Variants in SPAG9 observed in about 807,000 individuals in gnomAD.
SPAG9 encodes the protein sperm associated antigen 9.
A neutral mutation model predicts 166.5 loss-of-function variants in SPAG9; 35 were observed. The ratio of observed to expected loss-of-function variants is 0.21; its 90% CI spans 0.16 to 0.28. The LOEUF is 0.28. Among genes scored for constraint, SPAG9 ranks in the 10% least tolerant of loss-of-function variants. The probability of loss-of-function intolerance (pLI) is 1.00; values close to 1 mark genes in which losing one functional copy is unlikely to be tolerated. For missense variants in SPAG9, 1,235 were observed against 1,603.3 expected, an observed-to-expected ratio of 0.77 and a Z score of 3.92; for synonymous variants, 534 against 565.5, an observed-to-expected ratio of 0.94 and a Z score of 0.79.
At chr17:51,057,598 T>C (rs2047396446) in intron 2 of SPAG9, among the ~76,000 whole-genome samples, 1 of 152,216 alleles carries the variant, frequency 6.6e-6, no homozygotes, top group Non-Finnish European at 1.5e-5. Context: ...AAAATTCATT[T>C]TGGGTTTGTG....
At chr17:51,106,755 C>A (rs1294556489) in intron 1 of SPAG9, among the ~76,000 whole-genome samples, 1 of 152,072 alleles carries the variant, frequency 6.6e-6, no homozygotes, top group Admixed American at 6.6e-5. Flanking sequence ...CAAGATCAAG[C>A]CACTGCACTC....
chr17:50,974,177 C>A (rs1974048716), intron 28 of SPAG9, among the ~76,000 whole-genome samples: 1 of 152,166 alleles, frequency 6.6e-6, no homozygotes, highest in Admixed American at 6.5e-5. Context: ...ATCATCACTT[C>A]CATCTTTTTT....
At chr17:51,046,795 C>T in intron 4 of SPAG9, 1 of 1,534,180 alleles carries the variant, frequency 6.5e-7, no homozygotes, top group Non-Finnish European at 8.7e-7. Context: ...CTTTCCACTC[C>T]ATCCTGCAGC....
intron 1 of SPAG9, among the ~76,000 whole-genome samples, chr17:51,117,776 T>G (rs1239998729): frequency 7.0e-6 from 1 of 142,104 alleles, no homozygotes; most frequent in African/African-American, 2.6e-5. Context: ...CAGAATTCAC[T>G]CTACATATTG....
chr17:51,021,029 G>C (rs946577421), intron 7 of SPAG9, 129 bp downstream of exon 7: 6 of 750,806 alleles, frequency 8.0e-6, no homozygotes, highest in Admixed American at 4.5e-5. Flanking sequence ...CAGATATAGA[G>C]GGCCAACTAT....
chr17:50,991,220 G>A (rs1164565233), intron 19 of SPAG9, among the ~76,000 whole-genome samples: 1 of 151,948 alleles, frequency 6.6e-6, no homozygotes, highest in East Asian at 1.9e-4. Flanking sequence ...TTCTTAGTGA[G>A]CTCCTCAGCA....
chr17:50,980,864 T>C (rs1974547198), intron 25 of SPAG9, among the ~76,000 whole-genome samples: 1 of 152,006 alleles, frequency 6.6e-6, no homozygotes, highest in South Asian at 2.1e-4. Flanking sequence ...TAGTCAGGTA[T>C]AATGGTGTGT....
At chr17:51,014,620 C>G (rs1240969806) in intron 8 of SPAG9, 4 of 308,384 alleles carry the variant, frequency 1.3e-5, no homozygotes, top group African/African-American at 4.3e-5. Context: ...CTGCTCTATA[C>G]CAGGTGCTGG....
chr17:51,073,497 G>A (rs2047883120), intron 2 of SPAG9, among the ~76,000 whole-genome samples: 1 of 151,540 alleles, frequency 6.6e-6, no homozygotes, highest in Non-Finnish European at 1.5e-5. Flanking sequence ...AAAAAATTAA[G>A]AAATAAGTAA....
In SPAG9 at chr17:51,035,091, C is replaced by T. The variant is rs537750358; in HGVS notation, c.742-3369G>A. ...TTGGCAGACTGAGACAGGAGGATTA[C>T]CTGAGGCCAGGAGTTTGAGACCAAC... On this transcript the variant is annotated intron_variant, in intron 5 of 29. Transcript: ENST00000262013. Among the ~76,000 whole-genome samples, 45 of 152,310 alleles carry T rather than the reference C, an allele frequency of 3.0e-4. No individual in the cohort carries two copies. The South Asian group carries it at 8.1e-3, about 27-fold the overall frequency.
intron 9 of SPAG9, among the ~76,000 whole-genome samples, chr17:51,008,298 T>C (rs887628424): frequency 2.4e-4 from 36 of 152,106 alleles, no homozygotes; most frequent in African/African-American, 7.2e-4. Context: ...AAGAAAGCTA[T>C]TAATTTGCTT....
intron 1 of SPAG9, among the ~76,000 whole-genome samples, chr17:51,119,203 A>T (rs184748948): frequency 5.1e-4 from 77 of 152,314 alleles, no homozygotes; most frequent in African/African-American, 1.8e-3. Context: ...AATAAAACAA[A>T]AATTTAATGG....
chr17:51,007,791 A>G (rs1160719279), intron 9 of SPAG9: 1 of 444,806 alleles, frequency 2.2e-6, no homozygotes, highest in Non-Finnish European at 4.5e-6. Flanking sequence ...AACAGGCAAA[A>G]ACAAGGCTAA....
At chr17:51,005,316 T>C in intron 11 of SPAG9, 53 bp from the exon 12 acceptor site, 1 of 1,551,222 alleles carries the variant, frequency 6.4e-7, no homozygotes, top group Non-Finnish European at 8.8e-7. Flanking sequence ...GCTCATCTTT[T>C]CAAAAAAATA....
intron 1 of SPAG9, among the ~76,000 whole-genome samples, chr17:51,088,874 C>T (rs1325493951): frequency 1.3e-5 from 2 of 151,564 alleles, no homozygotes; most frequent in Non-Finnish European, 2.9e-5. Context: ...GCAGGTGGGT[C>T]ATGTGGTCAA....
In SPAG9 at chr17:50,962,543, T is replaced by C. The variant is rs565418351; in HGVS notation, c.*3729A>G. 1 of 152,364 alleles carries C rather than the reference T, an allele frequency of 6.6e-6. No individual in the cohort carries two copies. The highest frequency in any genetic ancestry group is 2.4e-5 in the African/African-American group (1 of 41,592). The allele number at this position is 152,364 out of a possible 1,614,324, so 9.4% of individuals were successfully genotyped here. The stretch of plus-strand genomic sequence containing the variant: ...CCCTGTTAGAAAAGCATTTATGATT[T>C]CCACATTTAATTTTCTCTTCTACTC... On this transcript the variant is annotated 3_prime_UTR_variant, in exon 30 of 30. Transcript: ENST00000262013.
At chr17:51,036,577 T>C (rs187810072) in intron 5 of SPAG9, among the ~76,000 whole-genome samples, 1 of 152,026 alleles carries the variant, frequency 6.6e-6, no homozygotes, top group South Asian at 2.1e-4. Context: ...GATGCTGCCT[T>C]CCTCATCTGC....
intron 2 of SPAG9, among the ~76,000 whole-genome samples, chr17:51,066,720 C>T (rs1054110369): frequency 6.6e-6 from 1 of 151,450 alleles, no homozygotes; most frequent in African/African-American, 2.4e-5. Context: ...GGTGAAACCC[C>T]GTCTCTACTA....
intron 6 of SPAG9, among the ~76,000 whole-genome samples, chr17:51,028,138 G>A (rs1366181326): frequency 6.6e-6 from 1 of 151,242 alleles, no homozygotes; most frequent in Non-Finnish European, 1.5e-5. Context: ...TATTTTCATA[G>A]AGCTATACAA....
Sources: gnomAD v4.1 joint callset for allele counts (sites outside exome capture counted in the v4.1 genomes callset) on GRCh38, gnomAD v4.1.1 for gene constraint, MANE v1.5 for transcripts, NCBI Gene and HGNC (gene_info 2026-07-23, HGNC 2026-07-21) for gene names.